The following KCTD8 variants were observed in gnomAD, a reference collection of about 807,000 sequenced individuals.
KCTD8 encodes the protein BTB/POZ domain-containing protein KCTD8.
In KCTD8, 27 loss-of-function variants were observed where a neutral mutation model predicts 31.5. The ratio of observed to expected loss-of-function variants is 0.86; its 90% CI spans 0.63 to 1.18. The LOEUF is 1.18. KCTD8 is among the 50% of genes most tolerant of loss of function. The probability of loss-of-function intolerance (pLI) is 0.00; values close to 1 mark genes in which losing one functional copy is unlikely to be tolerated. For missense variants in KCTD8, 658 were observed against 647.7 expected, an observed-to-expected ratio of 1.02 and a Z score of -0.17; for synonymous variants, 290 against 280.0, an observed-to-expected ratio of 1.04 and a Z score of -0.36.
chr4:44,312,026 T>C (rs891066238), intron 1 of KCTD8, among the ~76,000 whole-genome samples: 4 of 152,046 alleles, frequency 2.6e-5, no homozygotes, highest in Admixed American at 6.6e-5. Flanking sequence ...GTTACAAGTC[T>C]CACATTCTTC....
chr4:44,443,168 T>C (rs1721855899), intron 1 of KCTD8, among the ~76,000 whole-genome samples: 1 of 152,206 alleles, frequency 6.6e-6, no homozygotes, highest in African/African-American at 2.4e-5. Flanking sequence ...AATTCAAAAG[T>C]CATTCAGCCA....
chr4:44,231,935 C>T (rs1314261410), intron 1 of KCTD8, among the ~76,000 whole-genome samples: 1 of 152,102 alleles, frequency 6.6e-6, no homozygotes, highest in African/African-American at 2.4e-5. Flanking sequence ...AAAACAGAAA[C>T]TTCTTAAGTA....
At chr4:44,233,877 G>A (rs1281144502) in intron 1 of KCTD8, among the ~76,000 whole-genome samples, 1 of 151,966 alleles carries the variant, frequency 6.6e-6, no homozygotes, top group Non-Finnish European at 1.5e-5. Flanking sequence ...TGTACATATG[G>A]TGGTTTTAAA....
At chr4:44,226,464 C>T (rs1714966481) in intron 1 of KCTD8, among the ~76,000 whole-genome samples, 1 of 151,994 alleles carries the variant, frequency 6.6e-6, no homozygotes, top group South Asian at 2.1e-4. Flanking sequence ...GGGTTGGTTC[C>T]AAGTCTTGCT....
In KCTD8 at chr4:44,257,946, C is replaced by T. The variant is rs117629650; in HGVS notation, c.962-82696G>A. 9.4e-4 allele frequency among the ~76,000 whole-genome samples: 143 copies of T among 152,092 alleles called. 2 individuals are homozygous for T. The East Asian group carries it at 0.024, about 26-fold the overall frequency. ...GATATTCATGGACAGCCTCATTCTT[C>T]AATAGGAACATTGATTAAATTGTGG... On this transcript the variant is annotated intron_variant, in intron 1 of 1. Transcript: ENST00000360029.
chr4:44,427,142 G>A (rs7668539), intron 1 of KCTD8, among the ~76,000 whole-genome samples: 150,221 of 151,492 alleles, frequency 0.99, 74,490 homozygotes, highest in East Asian at 1. Context: ...AAAACTAGAA[G>A]TAGAAGAGAA....
chr4:44,261,398 C>T (rs749040045), intron 1 of KCTD8, among the ~76,000 whole-genome samples: 6 of 151,790 alleles, frequency 4.0e-5, no homozygotes, highest in African/African-American at 1.5e-4. Flanking sequence ...TGTTATATAA[C>T]CTCATGGGGA....
intron 1 of KCTD8, among the ~76,000 whole-genome samples, chr4:44,442,029 A>G (rs1412767100): frequency 6.6e-6 from 1 of 152,214 alleles, no homozygotes; most frequent in Admixed American, 6.5e-5. Flanking sequence ...TAAACCAAAA[A>G]AAGATAGCAT....
chr4:44,416,899 A>C (rs559502693), intron 1 of KCTD8, among the ~76,000 whole-genome samples: 6 of 152,224 alleles, frequency 3.9e-5, no homozygotes, highest in Non-Finnish European at 8.8e-5. Context: ...AATCTACTTC[A>C]GGGGAATCAC....
At chr4:44,249,966 G>A (rs766104584) in intron 1 of KCTD8, among the ~76,000 whole-genome samples, 3 of 151,712 alleles carry the variant, frequency 2.0e-5, no homozygotes, top group Non-Finnish European at 4.4e-5. Context: ...ATCTATAAAT[G>A]ATGTGAAGTA....
At chr4:44,369,104 G>C (rs566562943) in intron 1 of KCTD8, among the ~76,000 whole-genome samples, 107 of 152,272 alleles carry the variant, frequency 7.0e-4, no homozygotes, top group African/African-American at 2.3e-3. Context: ...TCTGGTTAAG[G>C]GGAAAAAGTC....
At chr4:44,232,593 G>T (rs1176367862) in intron 1 of KCTD8, among the ~76,000 whole-genome samples, 2 of 152,154 alleles carry the variant, frequency 1.3e-5, no homozygotes, top group African/African-American at 4.8e-5. Context: ...GAATTCAGCA[G>T]TGTTTGTACT....
At chr4:44,353,478 C>T (rs1719265696) in intron 1 of KCTD8, among the ~76,000 whole-genome samples, 1 of 151,922 alleles carries the variant, frequency 6.6e-6, no homozygotes, top group African/African-American at 2.4e-5. Flanking sequence ...AAGAACAGAG[C>T]AATTCTACTC....
At chr4:44,336,301 G>A (rs1718743207) in intron 1 of KCTD8, among the ~76,000 whole-genome samples, 1 of 150,830 alleles carries the variant, frequency 6.6e-6, no homozygotes, top group South Asian at 2.1e-4. Flanking sequence ...ATTAATGTTA[G>A]AATCTCTAAA....
chr4:44,191,498 G>C (rs777954753), intron 1 of KCTD8, among the ~76,000 whole-genome samples: 1 of 152,150 alleles, frequency 6.6e-6, no homozygotes, highest in African/African-American at 2.4e-5. Flanking sequence ...GCAAGTAGGA[G>C]AGATAGTGCT....
intron 1 of KCTD8, among the ~76,000 whole-genome samples, chr4:44,348,029 A>C (rs527794757): frequency 6.6e-6 from 1 of 152,288 alleles, no homozygotes; most frequent in African/African-American, 2.4e-5. Context: ...CAAGTACAAA[A>C]ATTATAGCCC....
At chr4:44,260,266 A>G (rs968012882) in intron 1 of KCTD8, among the ~76,000 whole-genome samples, 1 of 151,880 alleles carries the variant, frequency 6.6e-6, no homozygotes, top group Non-Finnish European at 1.5e-5. Flanking sequence ...GGAAAGGAGG[A>G]GGAATATGAA....
intron 1 of KCTD8, among the ~76,000 whole-genome samples, chr4:44,344,792 A>G (rs992446656): frequency 4.6e-5 from 7 of 152,218 alleles, no homozygotes; most frequent in South Asian, 2.1e-4. Context: ...TTTAATATTA[A>G]GGAATTCCTA....
At chr4:44,291,922 A>G (rs542194680) in intron 1 of KCTD8, among the ~76,000 whole-genome samples, 66 of 151,126 alleles carry the variant, frequency 4.4e-4, no homozygotes, top group African/African-American at 1.5e-3. Context: ...GAAAGCCACA[A>G]TGAAATACCA....
Sources: allele counts gnomAD v4.1 joint callset (sites outside exome capture counted in the v4.1 genomes callset), GRCh38; gene constraint gnomAD v4.1.1; transcripts MANE v1.5; gene names NCBI Gene and HGNC (gene_info 2026-07-23, HGNC 2026-07-21).